The following SUGCT variants were observed in gnomAD, a reference collection of about 807,000 sequenced individuals.
The protein encoded by SUGCT is succinyl-CoA:glutarate-CoA transferase.
In SUGCT, 41 loss-of-function variants were observed where a neutral mutation model predicts 55.0. The observed-to-expected ratio is 0.74, with a 90% confidence interval of 0.58 to 0.97. The LOEUF (loss-of-function observed/expected upper bound fraction) is 0.97. Among genes scored for constraint, SUGCT ranks in the 50% least tolerant of loss-of-function variants. SUGCT has a pLI of 0.00. For missense variants in SUGCT, 568 were observed against 547.8 expected (o/e 1.04, Z -0.37); for synonymous variants, 187 against 200.4 (o/e 0.93, Z 0.56).
At position 40,372,981 on chromosome 7, in the gene SUGCT, G is replaced by C. The variant is rs188763073; in HGVS notation, c.816+56126G>C. ...CAGACAGAGGATTATTAGGTTGCAA[G>C]AGCCAACTCTAAGAATTAAGATTTG... On this transcript the variant is annotated intron_variant, in intron 9 of 13. Coordinates refer to ENST00000335693, the MANE Select transcript of SUGCT (RefSeq NM_001193313.2). 2.0e-5 allele frequency among the ~76,000 whole-genome samples: 3 copies of C among 152,074 alleles called. No individual in the cohort carries two copies. In the East Asian group the frequency reaches 5.8e-4, roughly 29 times the overall value.
At chr7:40,852,889 C>T (rs1362300188) in intron 13 of SUGCT, among the ~76,000 whole-genome samples, 1 of 151,592 alleles carries the variant, frequency 6.6e-6, no homozygotes, top group Non-Finnish European at 1.5e-5. Flanking sequence ...CATTGTTTGC[C>T]TCCCACATCA....
intron 9 of SUGCT, among the ~76,000 whole-genome samples, chr7:40,372,315 C>A (rs1359423715): frequency 6.6e-6 from 1 of 151,868 alleles, no homozygotes; most frequent in Non-Finnish European, 1.5e-5. Context: ...GATCTTAGAC[C>A]CTACATCTTT....
At chr7:40,673,752 A>G (rs1584252070) in intron 12 of SUGCT, among the ~76,000 whole-genome samples, 2 of 152,290 alleles carry the variant, frequency 1.3e-5, no homozygotes, top group Middle Eastern at 3.4e-3. Flanking sequence ...CATTTTTTTC[A>G]TGAACAAAAA....
chr7:40,407,747 G>A (rs1012691327), intron 9 of SUGCT, among the ~76,000 whole-genome samples: 11 of 151,688 alleles, frequency 7.3e-5, no homozygotes, highest in Admixed American at 3.9e-4. Flanking sequence ...CCCAATTTAC[G>A]AATTGGCAAC....
intron 12 of SUGCT, among the ~76,000 whole-genome samples, chr7:40,546,555 A>G (rs1331291608): frequency 6.6e-6 from 1 of 152,244 alleles, no homozygotes; most frequent in Non-Finnish European, 1.5e-5. Context: ...AAATTAAGCC[A>G]ATGTATTCAC....
At chr7:40,236,376 A>G (rs1255569878) in intron 6 of SUGCT, among the ~76,000 whole-genome samples, 7 of 148,288 alleles carry the variant, frequency 4.7e-5, no homozygotes, top group African/African-American at 1.8e-4. Context: ...TGATGTAGCA[A>G]TAAGCATCAG....
chr7:40,828,472 G>T (rs1470742887), intron 13 of SUGCT, among the ~76,000 whole-genome samples: 1 of 151,786 alleles, frequency 6.6e-6, no homozygotes, highest in African/African-American at 2.4e-5. Context: ...TGGAGAGCTG[G>T]CATATTGGGG....
At chr7:41,004,822 G>A in the SUGCT span, among the ~76,000 whole-genome samples, 3 of 151,934 alleles carry the variant, frequency 2.0e-5, no homozygotes, top group African/African-American at 4.8e-5. Flanking sequence ...AAAATAACTG[G>A]CATCTCAATA....
chr7:40,793,734 A>G (rs1041468642), intron 13 of SUGCT, among the ~76,000 whole-genome samples: 3 of 152,088 alleles, frequency 2.0e-5, no homozygotes, highest in African/African-American at 7.2e-5. Flanking sequence ...TCAAATGTTG[A>G]TAGTCTCTTT....
At chr7:40,966,960 C>G in the SUGCT span, 1 of 152,174 alleles carries the variant, frequency 6.6e-6, no homozygotes, top group Non-Finnish European at 1.5e-5. Context: ...TGTTCACTAT[C>G]CAGAAAGCTG....
chr7:40,251,000 T>TA (rs1308120137), intron 7 of SUGCT, among the ~76,000 whole-genome samples: 5 of 145,414 alleles, frequency 3.4e-5, no homozygotes, highest in Admixed American at 7.1e-5. Flanking sequence ...CTGCGCCTAA[T>TA]TTTTGTTTTA....
chr7:40,306,313 C>G (rs1794852636), intron 8 of SUGCT, among the ~76,000 whole-genome samples: 1 of 152,136 alleles, frequency 6.6e-6, no homozygotes. Flanking sequence ...ACTAAATTCT[C>G]TTTATCAAAA....
intron 12 of SUGCT, among the ~76,000 whole-genome samples, chr7:40,685,618 A>AT (rs1417695611): frequency 2.0e-5 from 3 of 152,000 alleles, no homozygotes; most frequent in South Asian, 2.1e-4. Context: ...TTGATTGTGG[A>AT]TTTTTTTCCC....
intron 12 of SUGCT, among the ~76,000 whole-genome samples, chr7:40,646,370 T>A (rs951230489): frequency 6.6e-6 from 1 of 152,224 alleles, no homozygotes; most frequent in African/African-American, 2.4e-5. Context: ...AAAATGTAAT[T>A]TAAATAGCTG....
chr7:40,184,868 T>C (rs938510250), intron 3 of SUGCT, among the ~76,000 whole-genome samples: 8 of 152,188 alleles, frequency 5.3e-5, no homozygotes, highest in East Asian at 1.9e-4. Context: ...GTTTCCTTCT[T>C]TTTTAAAAAA....
At chr7:40,789,200 C>T (rs954871609) in intron 13 of SUGCT, among the ~76,000 whole-genome samples, 1 of 152,162 alleles carries the variant, frequency 6.6e-6, no homozygotes, top group Admixed American at 6.5e-5. Flanking sequence ...TATTGTACAG[C>T]ACATCTCTAG....
intron 12 of SUGCT, chr7:40,684,037 C>A: frequency 6.2e-7 from 1 of 1,612,202 alleles, no homozygotes. Flanking sequence ...TCTCTGTTTT[C>A]TTTGCTGGTT....
At position 40,421,137 on chromosome 7, in the gene SUGCT, C is replaced by T. The variant is rs575746421; in HGVS notation, c.817-28150C>T. ...TTTGGATCTGCAAAGTCTACCTTGT[C>T]AGGCCTAGTGAGAACTGTGACGGCT... On this transcript the variant is annotated intron_variant, in intron 9 of 13. Transcript: ENST00000335693. Among the ~76,000 whole-genome samples, 19 of 152,284 alleles carry T rather than the reference C, an allele frequency of 1.2e-4. No homozygotes were observed. The East Asian group carries it at 3.7e-3, about 29-fold the overall frequency.
In SUGCT at chr7:40,188,599, T is replaced by G. The variant is rs1785695386; in HGVS notation, c.312+19T>G. The G allele has an allele frequency of 6.4e-7, 1 of 1,556,166 alleles. No homozygotes were observed. Among genetic ancestry groups the G allele is most frequent in the Non-Finnish European group, 8.7e-7 (1 of 1,145,044 alleles). On this transcript the variant is annotated intron_variant, in intron 4 of 13. Coordinates refer to ENST00000335693, the MANE Select transcript of SUGCT (RefSeq NM_001193313.2). ...TAAAAAAGTAAGAATATCATCCCTT[T>G]TTTGCTTTTTGTGTGTAATTCTCTT...
Sources: allele counts gnomAD v4.1 joint callset (sites outside exome capture counted in the v4.1 genomes callset), GRCh38; gene constraint gnomAD v4.1.1; transcripts MANE v1.5; gene names NCBI Gene and HGNC (gene_info 2026-07-23, HGNC 2026-07-21).